The following MARCHF6 variants were observed in gnomAD, a reference collection of about 807,000 sequenced individuals.
MARCHF6 encodes the protein membrane associated ring-CH-type finger 6, also known as E3 ubiquitin-protein ligase MARCHF6.
A neutral mutation model predicts 133.7 loss-of-function variants in MARCHF6; 31 were observed. The observed-to-expected ratio is 0.23, with a 90% CI of 0.17 to 0.31. The LOEUF (loss-of-function observed/expected upper bound fraction) is 0.31. MARCHF6 is among the 10% of genes least tolerant of loss of function. MARCHF6 has a pLI of 1.00. For missense variants in MARCHF6, 723 were observed against 1,121.6 expected (o/e 0.64, Z 5.08); for synonymous variants, 395 against 402.5 (o/e 0.98, Z 0.22).
At chr5:10,395,234 T>G (rs1738121116) in intron 9 of MARCHF6, among the ~76,000 whole-genome samples, 1 of 152,226 alleles carries the variant, frequency 6.6e-6, no homozygotes. Flanking sequence ...ATGTTTAGTG[T>G]GCTGAAAATA....
intron 22 of MARCHF6, among the ~76,000 whole-genome samples, chr5:10,423,205 T>TCTGG (rs143508946): frequency 4.0e-5 from 6 of 151,548 alleles, no homozygotes; most frequent in African/African-American, 1.5e-4. Context: ...TAGTCATCAC[T>TCTGG]CTGTCTGGTG....
At chr5:10,414,841 A>T (rs1470338518) in intron 20 of MARCHF6, among the ~76,000 whole-genome samples, 1 of 152,210 alleles carries the variant, frequency 6.6e-6, no homozygotes, top group Non-Finnish European at 1.5e-5. Context: ...TTGTTGTGGG[A>T]TGCTATAGAG....
chr5:10,373,538 C>T (rs1409657594), intron 1 of MARCHF6, among the ~76,000 whole-genome samples: 1 of 152,086 alleles, frequency 6.6e-6, no homozygotes, highest in African/African-American at 2.4e-5. Flanking sequence ...ATTGCTGTAC[C>T]CACGTGGATG....
chr5:10,407,432 G>C (rs1268754994), intron 17 of MARCHF6, among the ~76,000 whole-genome samples: 1 of 152,152 alleles, frequency 6.6e-6, no homozygotes, highest in South Asian at 2.1e-4. Context: ...TTTTAGATCA[G>C]ATAAACATTA....
intron 17 of MARCHF6, among the ~76,000 whole-genome samples, chr5:10,407,852 A>T (rs1738995051): frequency 6.6e-6 from 1 of 151,642 alleles, no homozygotes; most frequent in Admixed American, 6.6e-5. Flanking sequence ...ACTACTCGGG[A>T]GGCTGAGGCA....
intron 21 of MARCHF6, 130 bp downstream of exon 21, chr5:10,415,799 A>G: frequency 1.4e-6 from 1 of 739,240 alleles, no homozygotes; most frequent in Admixed American, 3.0e-5. Flanking sequence ...GATTTTTTGA[A>G]TTAGAAGAAA....
intron 1 of MARCHF6, among the ~76,000 whole-genome samples, chr5:10,376,489 T>A (rs888824597): frequency 2.6e-5 from 4 of 152,240 alleles, no homozygotes; most frequent in African/African-American, 9.6e-5. Flanking sequence ...ATTCTTGAAG[T>A]CAGTGAGACC....
chr5:10,398,399 G>A (rs537789875), intron 10 of MARCHF6, among the ~76,000 whole-genome samples: 1 of 152,228 alleles, frequency 6.6e-6, no homozygotes, highest in East Asian at 1.9e-4. Context: ...CTTGTATTTT[G>A]TTAACAAAGT....
intron 4 of MARCHF6, 28 bp downstream of exon 4, chr5:10,381,971 TATTTA>T: frequency 1.3e-6 from 2 of 1,599,522 alleles, no homozygotes; most frequent in Non-Finnish European, 1.7e-6. Flanking sequence ...TGATTGGAGT[TATTTA>T]AACATTGCAT....
At chr5:10,390,917 TAA>T (rs1737793014) in intron 6 of MARCHF6, among the ~76,000 whole-genome samples, 1 of 152,206 alleles carries the variant, frequency 6.6e-6, no homozygotes, top group African/African-American at 2.4e-5. Context: ...AGAATGTTTT[TAA>T]GAGAGCCAGA....
chr5:10,377,785 T>C lies in MARCHF6; in HGVS notation c.20-13T>C. ...TAACCAAAGGAAATTCAATTTTCCT[T>C]TTTCATTGGCAGACATATGTAGAGT... On this transcript the variant is annotated splice_polypyrimidine_tract_variant and intron_variant, in intron 1 of 25. Coordinates refer to ENST00000274140, the MANE Select transcript of MARCHF6 (RefSeq NM_005885.4). 1 of 1,592,786 alleles carries C rather than the reference T, an allele frequency of 6.3e-7. No homozygotes were observed. The highest frequency in any genetic ancestry group is 1.7e-4 in the Middle Eastern group (1 of 6,000).
At chr5:10,387,433 G>T (rs1412788299) in intron 5 of MARCHF6, among the ~76,000 whole-genome samples, 1 of 151,826 alleles carries the variant, frequency 6.6e-6, no homozygotes, top group African/African-American at 2.4e-5. Context: ...CTCCAGAGTA[G>T]CTGGGATTAC....
chr5:10,372,843 A>G (rs983752364), intron 1 of MARCHF6, among the ~76,000 whole-genome samples: 2 of 152,152 alleles, frequency 1.3e-5, no homozygotes, highest in African/African-American at 2.4e-5. Flanking sequence ...CATTCATTCT[A>G]TTATCTCATG....
Position 10,394,753 on chromosome 5 carries a change from A to T in MARCHF6, c.829A>T (p.Met277Leu), listed in dbSNP as rs1561125141. The change falls in exon 9 of 26, where the codon ATG becomes TTG. Residue 277 changes from methionine (M) to leucine (L), a missense_variant and splice_region_variant. This residue lies in a region of MARCHF6 where 43 missense variants were observed against 97.9 expected (regional missense o/e 0.44). Transcript: ENST00000274140. ...TGCTTATCGTTTTTGTTTATTTTAGATGCTAGGACTTGATGGATCACTAGT... is the reference window on the plus strand; with the variant it reads ...TGCTTATCGTTTTTGTTTATTTTAGTTGCTAGGACTTGATGGATCACTAGT... ...RAAEELTWER[M>L]LGLDGSLVFL... 6.3e-7 allele frequency: 1 copy of T among 1,576,700 alleles called. No individual in the cohort carries two copies. The highest frequency in any genetic ancestry group is 8.7e-7 in the Non-Finnish European group (1 of 1,153,678).
chr5:10,370,346 T>C (rs1030943711), intron 1 of MARCHF6, among the ~76,000 whole-genome samples: 1 of 152,008 alleles, frequency 6.6e-6, no homozygotes, highest in Non-Finnish European at 1.5e-5. Context: ...CATGTGATCC[T>C]CTTGCCTGAG....
chr5:10,377,920 G>A, intron 2 of MARCHF6, 26 bp downstream of exon 2: 1 of 1,410,082 alleles, frequency 7.1e-7, no homozygotes, highest in Non-Finnish European at 1.0e-6. Flanking sequence ...AGAAAGTTAT[G>A]TAAGTCTGAG....
chr5:10,396,341 T>G (rs1024849068), intron 9 of MARCHF6, among the ~76,000 whole-genome samples: 6 of 152,108 alleles, frequency 3.9e-5, no homozygotes, highest in African/African-American at 1.4e-4. Context: ...GGAATGGAGT[T>G]TGTCAGCAGG....
chr5:10,424,790 T>G (rs1338701246), intron 23 of MARCHF6, among the ~76,000 whole-genome samples: 2 of 152,208 alleles, frequency 1.3e-5, no homozygotes, highest in African/African-American at 4.8e-5. Flanking sequence ...GAGAGCTGTT[T>G]TGGCTTCATC....
rs1738821279 is a variant in MARCHF6, at chr5:10,405,368, G to A, written c.1333-190G>A. ...ATGATGATGTCAAAGGACATCATCA[G>A]ACACAGGGTAGTTTTCATAAAGATT... On this transcript the variant is annotated intron_variant, in intron 15 of 25. Transcript: ENST00000274140. Among the ~76,000 whole-genome samples, 3 of 151,924 alleles carry A rather than the reference G, an allele frequency of 2.0e-5. No homozygotes were observed. The South Asian group carries it at 6.2e-4, about 31-fold the overall frequency.
Sources: gnomAD v4.1 joint callset for allele counts (sites outside exome capture counted in the v4.1 genomes callset) on GRCh38, gnomAD v4.1.1 for gene constraint, gnomAD v4.1.1 regional missense constraint, MANE v1.5 for transcripts, NCBI Gene and HGNC (gene_info 2026-07-23, HGNC 2026-07-21) for gene names.